The following SLC14A2 variants were observed in gnomAD, a reference collection of about 807,000 sequenced individuals.
The protein encoded by SLC14A2 is urea transporter 2.
SLC14A2 carries 91 observed loss-of-function variants against 104.6 expected under a neutral mutation model. That is an observed-to-expected ratio of 0.87 (90% CI 0.73 to 1.04). The LOEUF is 1.04. Among genes scored for constraint, SLC14A2 ranks in the 50% least tolerant of loss-of-function variants. The probability of loss-of-function intolerance (pLI) is 0.00; values close to 1 mark genes in which losing one functional copy is unlikely to be tolerated. For synonymous variants in SLC14A2, 476 were observed against 466.4 expected (o/e 1.02, Z -0.27); for missense variants, 1,189 against 1,156.0 (o/e 1.03, Z -0.41).
chr18:45,511,968 G>T (rs1427085906), intron 2 of SLC14A2, among the ~76,000 whole-genome samples: 4 of 152,178 alleles, frequency 2.6e-5, no homozygotes, highest in Non-Finnish European at 4.4e-5. Flanking sequence ...TGGCATCAAG[G>T]CATTGACCCT....
chr18:45,653,419 GT>G (rs1381335151), intron 10 of SLC14A2, among the ~76,000 whole-genome samples: 3 of 152,086 alleles, frequency 2.0e-5, no homozygotes, highest in African/African-American at 7.2e-5. Flanking sequence ...TCAGAGTGAG[GT>G]TTTGCTTCTG....
chr18:45,436,237 G>T (rs1328813422), intron 1 of SLC14A2, among the ~76,000 whole-genome samples: 1 of 152,182 alleles, frequency 6.6e-6, no homozygotes, highest in Non-Finnish European at 1.5e-5. Flanking sequence ...TTTCAAATAG[G>T]TTAGAGGCAA....
chr18:45,195,061 C>T, the SLC14A2 span, among the ~76,000 whole-genome samples: 1,360 of 152,296 alleles, frequency 8.9e-3, 21 homozygotes, highest in African/African-American at 0.032. Context: ...GCAAACGTCT[C>T]AGTTTTTCTT....
At chr18:45,365,524 A>C (rs890842718) in intron 1 of SLC14A2, among the ~76,000 whole-genome samples, 3 of 152,250 alleles carry the variant, frequency 2.0e-5, no homozygotes, top group African/African-American at 7.2e-5. Context: ...AAACACAAAG[A>C]AAATTCATAA....
intron 1 of SLC14A2, among the ~76,000 whole-genome samples, chr18:45,327,437 G>A (rs2085246997): frequency 6.6e-6 from 1 of 152,102 alleles, no homozygotes; most frequent in Non-Finnish European, 1.5e-5. Context: ...GCAATGCCAT[G>A]CAACCATCAC....
chr18:45,519,123 A>T (rs1364559509), intron 2 of SLC14A2, among the ~76,000 whole-genome samples: 2 of 152,208 alleles, frequency 1.3e-5, no homozygotes, highest in Non-Finnish European at 2.9e-5. Flanking sequence ...TAATCATTTT[A>T]AAAAATCCTC....
At chr18:45,222,955 C>T (rs2084077624) in intron 1 of SLC14A2, among the ~76,000 whole-genome samples, 1 of 152,128 alleles carries the variant, frequency 6.6e-6, no homozygotes, top group Non-Finnish European at 1.5e-5. Context: ...CTGTGCAGGG[C>T]CTCAGGCACC....
In SLC14A2 at chr18:45,627,163, T is replaced by C. The variant is rs565632188; in HGVS notation, c.521+16T>C. On this transcript the variant is annotated intron_variant, in intron 4 of 19. Transcript: ENST00000255226. ...GCCAAGACAGGTGGGTCCCTCTCTA[T>C]AGGGATTTTAGCAAGATGTGTGGAA... The C allele has an allele frequency of 4.7e-5, 75 of 1,607,240 alleles. 1 individual carries two copies. The Middle Eastern group carries it at 1.3e-3, about 28-fold the overall frequency.
chr18:45,500,436 G>A (rs999094662), intron 2 of SLC14A2, among the ~76,000 whole-genome samples: 3 of 152,052 alleles, frequency 2.0e-5, no homozygotes, highest in African/African-American at 4.8e-5. Flanking sequence ...AATTAGCGGG[G>A]CGTGGTAGCG....
At chr18:45,349,697 A>G (rs2085483810) in intron 1 of SLC14A2, among the ~76,000 whole-genome samples, 1 of 152,202 alleles carries the variant, frequency 6.6e-6, no homozygotes, top group Admixed American at 6.5e-5. Flanking sequence ...TCTCCTGGGC[A>G]TTTCCCCAAA....
At chr18:45,621,594 C>A (rs567325287) in intron 1 of SLC14A2, among the ~76,000 whole-genome samples, 22 of 152,334 alleles carry the variant, frequency 1.4e-4, no homozygotes, top group African/African-American at 2.6e-4. Flanking sequence ...TCCTCCCCCC[C>A]ACCTCTTCCT....
the SLC14A2 span, among the ~76,000 whole-genome samples, chr18:45,183,304 C>T: frequency 6.6e-6 from 1 of 152,204 alleles, no homozygotes; most frequent in African/African-American, 2.4e-5. Context: ...AGGCCGCTCC[C>T]TCCTTGAACA....
chr18:45,510,618 A>G (rs1234906310), intron 2 of SLC14A2, among the ~76,000 whole-genome samples: 4 of 152,016 alleles, frequency 2.6e-5, no homozygotes. Context: ...TGCCCCACCC[A>G]GAGGCAGAAT....
rs561656468 is a variant in SLC14A2, at chr18:45,668,453, C to T, written c.2012C>T (p.Pro671Leu). Residue 671 changes from proline to leucine, a missense_variant, in exon 15 of 20, where the codon CCC (proline) becomes CTC (leucine). Coordinates refer to ENST00000255226, the MANE Select transcript of SLC14A2 (RefSeq NM_007163.4). Reference sequence around the variant, plus strand: ...GACTACTACTGGTGGCTGTTGCTACCCGTCATCATCATGTCCATGTCTTGG... The same window carrying T: ...GACTACTACTGGTGGCTGTTGCTACTCGTCATCATCATGTCCATGTCTTGG... ...KGDYYWWLLL[P>L]VIIMSMSCPI... 7.2e-5 allele frequency: 117 copies of T among 1,614,110 alleles called. No individual in the cohort carries two copies. In the South Asian group the frequency reaches 1.1e-3, roughly 16 times the overall value.
chr18:45,222,579 G>T (rs115081697), intron 1 of SLC14A2, among the ~76,000 whole-genome samples: 1 of 152,262 alleles, frequency 6.6e-6, no homozygotes, highest in African/African-American at 2.4e-5. Context: ...GCAAAGATAA[G>T]GAGGGAGGTC....
chr18:45,353,542 A>G (rs2085522503), intron 1 of SLC14A2, among the ~76,000 whole-genome samples: 1 of 152,260 alleles, frequency 6.6e-6, no homozygotes, highest in African/African-American at 2.4e-5. Flanking sequence ...AGGTCCAGTT[A>G]TAACTTACAG....
At chr18:45,313,392 A>G (rs561592874) in intron 1 of SLC14A2, among the ~76,000 whole-genome samples, 10 of 152,300 alleles carry the variant, frequency 6.6e-5, no homozygotes, top group African/African-American at 2.4e-4. Context: ...ATTTGCTCAG[A>G]GTCATAGAGC....
chr18:45,329,322 G>A (rs775611866), intron 1 of SLC14A2, among the ~76,000 whole-genome samples: 1 of 152,134 alleles, frequency 6.6e-6, no homozygotes, highest in Non-Finnish European at 1.5e-5. Flanking sequence ...GACTGAACTT[G>A]GGGAGCCTTA....
intron 1 of SLC14A2, among the ~76,000 whole-genome samples, chr18:45,375,641 T>C (rs2085766109): frequency 6.6e-6 from 1 of 151,980 alleles, no homozygotes; most frequent in Non-Finnish European, 1.5e-5. Flanking sequence ...TCTATTGCAA[T>C]TCCCCTGTTT....
Sources: allele counts gnomAD v4.1 joint callset (sites outside exome capture counted in the v4.1 genomes callset), GRCh38; gene constraint gnomAD v4.1.1; transcripts MANE v1.5; gene names NCBI Gene and HGNC (gene_info 2026-07-23, HGNC 2026-07-21).